The following CCDC91 variants were observed in gnomAD, a reference collection of about 807,000 sequenced individuals.
CCDC91 encodes coiled-coil domain containing 91.
A neutral mutation model predicts 63.2 loss-of-function variants in CCDC91; 48 were observed. The ratio of observed to expected loss-of-function variants is 0.76; its 90% CI spans 0.60 to 0.97. CCDC91 has a LOEUF of 0.97. CCDC91 is among the 50% of genes least tolerant of loss of function. The pLI, the probability that CCDC91 is intolerant of heterozygous loss-of-function variation, is 0.00. For missense variants in CCDC91, 500 were observed against 494.6 expected (o/e 1.01, Z -0.10); for synonymous variants, 167 against 165.8 (o/e 1.01, Z -0.06).
chr12:28,299,426 A>C (rs921298752), intron 3 of CCDC91, among the ~76,000 whole-genome samples: 6 of 151,320 alleles, frequency 4.0e-5, no homozygotes, highest in Non-Finnish European at 8.9e-5. Flanking sequence ...GTTAGTTCTT[A>C]CCCCTCCCTC....
In CCDC91 at chr12:28,439,733, CTTTTTTT is replaced by C. The variant is rs71438747; in HGVS notation, c.763-10419_763-10413del. On this transcript the variant is annotated intron_variant, in intron 8 of 12. Coordinates refer to ENST00000536442, the MANE Select transcript of CCDC91 (RefSeq NM_018318.5). ...GAGGTTTTTTTTTTCTTTCTTTTTTCTTTTTTTTTTTTTTTAACAGGAATCAAGTAAA... is the reference window on the plus strand; with the variant it reads ...GAGGTTTTTTTTTTCTTTCTTTTTTCTTTTTTTTAACAGGAATCAAGTAAA... Among the ~76,000 whole-genome samples, 15 of 133,016 alleles carry C rather than the reference CTTTTTTT, an allele frequency of 1.1e-4. No individual in the cohort carries two copies. The South Asian group carries it at 1.9e-3, about 17-fold the overall frequency. 87.3% of individuals were successfully genotyped at this position (133,016 alleles called of 152,430 possible).
intron 12 of CCDC91, among the ~76,000 whole-genome samples, chr12:28,494,749 CTG>C (rs1952191107): frequency 6.6e-6 from 1 of 151,680 alleles, no homozygotes. Context: ...TAGGTGTTCT[CTG>C]TGTATTGAGA....
chr12:28,242,290 A>G (rs1350505529), intron 1 of CCDC91, among the ~76,000 whole-genome samples: 1 of 152,170 alleles, frequency 6.6e-6, no homozygotes, highest in Non-Finnish European at 1.5e-5. Context: ...TTACAAACAA[A>G]GAAGCTTGTT....
intron 12 of CCDC91, among the ~76,000 whole-genome samples, chr12:28,545,231 A>C (rs1379468666): frequency 6.6e-6 from 1 of 152,070 alleles, no homozygotes; most frequent in Non-Finnish European, 1.5e-5. Flanking sequence ...TTGAAATGAA[A>C]GCCACAAATA....
chr12:28,440,515 T>A (rs983024963), intron 8 of CCDC91, among the ~76,000 whole-genome samples: 10 of 152,222 alleles, frequency 6.6e-5, no homozygotes, highest in African/African-American at 2.4e-4. Flanking sequence ...TTGACCTGGA[T>A]GTAGGCAATA....
intron 7 of CCDC91, among the ~76,000 whole-genome samples, chr12:28,378,363 G>A (rs1158073335): frequency 6.6e-6 from 1 of 152,012 alleles, no homozygotes; most frequent in Non-Finnish European, 1.5e-5. Flanking sequence ...GCATCCACTT[G>A]CTAGTATTTT....
chr12:28,298,420 A>G (rs1453224977), intron 3 of CCDC91, among the ~76,000 whole-genome samples: 2 of 146,970 alleles, frequency 1.4e-5, no homozygotes, highest in African/African-American at 5.0e-5. Context: ...CTTTACTTTG[A>G]AGCTGGATCT....
chr12:28,451,205 A>C (rs1949786976), intron 10 of CCDC91, among the ~76,000 whole-genome samples: 1 of 151,716 alleles, frequency 6.6e-6, no homozygotes, highest in Non-Finnish European at 1.5e-5. Context: ...ATTGACATTA[A>C]GTTTTGGGAA....
At chr12:28,342,585 G>A (rs114434664) in intron 6 of CCDC91, among the ~76,000 whole-genome samples, 2,135 of 152,234 alleles carry the variant, frequency 0.014, 14 homozygotes, top group African/African-American at 0.025. Flanking sequence ...CTTCTGTCAT[G>A]GGATTGATGC....
At chr12:28,331,480 AT>A (rs1941504879) in intron 6 of CCDC91, among the ~76,000 whole-genome samples, 1 of 152,182 alleles carries the variant, frequency 6.6e-6, no homozygotes, top group African/African-American at 2.4e-5. Context: ...TTGAAAAATC[AT>A]TTTTAAAACA....
chr12:28,373,460 T>A (rs1352244063), intron 7 of CCDC91, among the ~76,000 whole-genome samples: 1 of 152,166 alleles, frequency 6.6e-6, no homozygotes, highest in African/African-American at 2.4e-5. Context: ...TTAGTTTTCT[T>A]AATGGGGTCT....
intron 1 of CCDC91, among the ~76,000 whole-genome samples, chr12:28,198,373 C>T (rs1591946517): frequency 6.6e-6 from 1 of 152,180 alleles, no homozygotes; most frequent in African/African-American, 2.4e-5. Flanking sequence ...TATTTAAAAA[C>T]TACATGCTTA....
At chr12:28,363,829 A>T (rs1159487258) in intron 7 of CCDC91, among the ~76,000 whole-genome samples, 2 of 139,624 alleles carry the variant, frequency 1.4e-5, no homozygotes, top group Non-Finnish European at 3.1e-5. Flanking sequence ...GTGAGCCGAG[A>T]TTGCGCCACT....
In CCDC91 at chr12:28,407,252, A is replaced by G. The variant is rs1947009830; in HGVS notation, c.762+15841A>G. 2.0e-5 allele frequency among the ~76,000 whole-genome samples: 3 copies of G among 152,138 alleles called. No homozygotes were observed. The South Asian group carries it at 6.2e-4, about 32-fold the overall frequency. On this transcript the variant is annotated intron_variant, in intron 8 of 12. Transcript: ENST00000536442. ...GCGAGCCCATTAAACCACTTTTCTTATACATTATCTAGTCTCGGGTATTTC... is the reference window on the plus strand; with the variant it reads ...GCGAGCCCATTAAACCACTTTTCTTGTACATTATCTAGTCTCGGGTATTTC...
At chr12:28,321,996 C>T (rs1037285515) in intron 6 of CCDC91, among the ~76,000 whole-genome samples, 1 of 151,412 alleles carries the variant, frequency 6.6e-6, no homozygotes, top group African/African-American at 2.4e-5. Flanking sequence ...TACACTATAG[C>T]TTTAATTTAT....
chr12:28,324,003 T>G (rs897978723), intron 6 of CCDC91, among the ~76,000 whole-genome samples: 18 of 151,914 alleles, frequency 1.2e-4, no homozygotes, highest in African/African-American at 4.3e-4. Context: ...ACTTGCATTT[T>G]GGAAAGATAT....
At chr12:28,538,349 A>G (rs1052421464) in intron 12 of CCDC91, among the ~76,000 whole-genome samples, 1 of 147,908 alleles carries the variant, frequency 6.8e-6, no homozygotes, top group African/African-American at 2.5e-5. Context: ...AAGTGAGAAC[A>G]TGCGCTGTTT....
At chr12:28,442,250 A>G (rs1237668581) in intron 8 of CCDC91, among the ~76,000 whole-genome samples, 2 of 152,140 alleles carry the variant, frequency 1.3e-5, no homozygotes, top group East Asian at 3.9e-4. Context: ...GAGGAGTATT[A>G]AGAATGAAGT....
intron 1 of CCDC91, among the ~76,000 whole-genome samples, chr12:28,200,043 T>A (rs969078326): frequency 1.3e-5 from 2 of 152,084 alleles, no homozygotes; most frequent in African/African-American, 4.8e-5. Context: ...CCTTCCTTTT[T>A]CTCCTCTTTT....
Sources: gnomAD v4.1 joint callset for allele counts (sites outside exome capture counted in the v4.1 genomes callset) on GRCh38, gnomAD v4.1.1 for gene constraint, MANE v1.5 for transcripts, NCBI Gene and HGNC (gene_info 2026-07-23, HGNC 2026-07-21) for gene names.